ZFPM2: variants seen among roughly 807,000 people sequenced by gnomAD.
ZFPM2 encodes the protein zinc finger protein ZFPM2.
A neutral mutation model predicts 98.6 loss-of-function variants in ZFPM2; 20 were observed. The observed-to-expected ratio is 0.20, with a 90% CI of 0.14 to 0.29. The LOEUF (loss-of-function observed/expected upper bound fraction) is 0.29. Among genes scored for constraint, ZFPM2 ranks in the 10% least tolerant of loss-of-function variants. The pLI is 1.00. For synonymous variants in ZFPM2, 518 were observed against 502.7 expected, an observed-to-expected ratio of 1.03 and a Z score of -0.41; for missense variants, 1,310 against 1,388.6, an observed-to-expected ratio of 0.94 and a Z score of 0.90.
chr8:105,703,632 C>CT (rs1161920147), intron 5 of ZFPM2, among the ~76,000 whole-genome samples: 1 of 152,066 alleles, frequency 6.6e-6, no homozygotes, highest in Non-Finnish European at 1.5e-5. Context: ...TCAGGTGAGG[C>CT]TGGGCCTTCA....
chr8:105,630,766 TA>T (rs1360731363), intron 4 of ZFPM2, among the ~76,000 whole-genome samples: 1 of 152,132 alleles, frequency 6.6e-6, no homozygotes, highest in African/African-American at 2.4e-5. Context: ...TCTGGAGTTG[TA>T]AAAATCAAAA....
intron 2 of ZFPM2, among the ~76,000 whole-genome samples, chr8:105,440,466 A>T (rs1812213162): frequency 6.6e-6 from 1 of 152,186 alleles, no homozygotes; most frequent in Non-Finnish European, 1.5e-5. Context: ...AAATCATAAA[A>T]GTAGCATAAG....
At chr8:105,697,292 A>G (rs1287500275) in intron 5 of ZFPM2, among the ~76,000 whole-genome samples, 2 of 152,214 alleles carry the variant, frequency 1.3e-5, no homozygotes, top group Non-Finnish European at 2.9e-5. Flanking sequence ...ATTACTTCCA[A>G]TGTTTGGTAC....
At chr8:105,723,696 G>T (rs568174382) in intron 5 of ZFPM2, among the ~76,000 whole-genome samples, 1 of 151,912 alleles carries the variant, frequency 6.6e-6, no homozygotes, top group South Asian at 2.1e-4. Flanking sequence ...AGGCTCGGGG[G>T]TTAGCAGCTT....
intron 3 of ZFPM2, among the ~76,000 whole-genome samples, chr8:105,473,254 T>A (rs1181690065): frequency 6.6e-6 from 1 of 151,442 alleles, no homozygotes; most frequent in Non-Finnish European, 1.5e-5. Context: ...CAGGATCTTC[T>A]ATGATCTTTC....
intron 3 of ZFPM2, among the ~76,000 whole-genome samples, chr8:105,534,288 CTCCT>C (rs1386679400): frequency 9.7e-6 from 1 of 102,584 alleles, no homozygotes; most frequent in Non-Finnish European, 1.9e-5. Context: ...CCCTCCCTCC[CTCCT>C]TTCTTCCTTC....
intron 3 of ZFPM2, among the ~76,000 whole-genome samples, chr8:105,494,429 C>G (rs1164062643): frequency 6.6e-6 from 1 of 151,596 alleles, no homozygotes; most frequent in African/African-American, 2.4e-5. Context: ...GTATCTGTCT[C>G]TATCCCTAGG....
At chr8:105,634,112 C>T in intron 4 of ZFPM2, 134 bp from the exon 5 acceptor site, 1 of 630,252 alleles carries the variant, frequency 1.6e-6, no homozygotes, top group Non-Finnish European at 2.7e-6. Context: ...TATCATGAGA[C>T]AGGGGAATAA....
At chr8:105,630,635 A>G (rs1177499222) in intron 4 of ZFPM2, among the ~76,000 whole-genome samples, 1 of 152,164 alleles carries the variant, frequency 6.6e-6, no homozygotes, top group Admixed American at 6.5e-5. Context: ...AAAATATATA[A>G]TGCCTAACTT....
chr8:105,799,655 C>T (rs930287742), intron 7 of ZFPM2, among the ~76,000 whole-genome samples: 3 of 152,146 alleles, frequency 2.0e-5, no homozygotes, highest in Middle Eastern at 6.4e-3. Context: ...TTCTAATTAT[C>T]ATATTTTTTA....
chr8:105,601,566 A>G (rs935334930), intron 4 of ZFPM2, among the ~76,000 whole-genome samples: 1 of 152,104 alleles, frequency 6.6e-6, no homozygotes, highest in Non-Finnish European at 1.5e-5. Context: ...AATTCTTCTA[A>G]AAGTAGAGAT....
At chr8:105,569,082 C>G (rs1217229544) in intron 4 of ZFPM2, among the ~76,000 whole-genome samples, 1 of 152,088 alleles carries the variant, frequency 6.6e-6, no homozygotes, top group Non-Finnish European at 1.5e-5. Context: ...AGCCTCCTGT[C>G]TGGAATAGAT....
chr8:105,346,101 C>T (rs768435251), intron 1 of ZFPM2, among the ~76,000 whole-genome samples: 21 of 152,076 alleles, frequency 1.4e-4, no homozygotes, highest in Non-Finnish European at 2.6e-4. Context: ...AGATTTAGTT[C>T]TTGGGCCGGC....
intron 5 of ZFPM2, among the ~76,000 whole-genome samples, chr8:105,762,224 A>G (rs1812748222): frequency 6.6e-6 from 1 of 151,976 alleles, no homozygotes; most frequent in Non-Finnish European, 1.5e-5. Context: ...ACTCAAGAAT[A>G]TATGTACTGA....
At chr8:105,440,492 G>A (rs1812213653) in intron 2 of ZFPM2, among the ~76,000 whole-genome samples, 2 of 152,066 alleles carry the variant, frequency 1.3e-5, no homozygotes, top group Non-Finnish European at 2.9e-5. Flanking sequence ...GGGAAGAAAT[G>A]GGGTGTATCA....
chr8:105,608,827 C>A (rs1160325659), intron 4 of ZFPM2, among the ~76,000 whole-genome samples: 1 of 151,752 alleles, frequency 6.6e-6, no homozygotes, highest in Non-Finnish European at 1.5e-5. Context: ...TGTTTCTTTG[C>A]AAAATTCAGC....
intron 5 of ZFPM2, among the ~76,000 whole-genome samples, chr8:105,772,172 C>T (rs1172502241): frequency 6.6e-6 from 1 of 152,008 alleles, no homozygotes; most frequent in Non-Finnish European, 1.5e-5. Context: ...GGACTGTGGC[C>T]CAGAACTTCC....
chr8:105,319,022 C>T, intron 1 of ZFPM2, 41 bp downstream of exon 1: 2 of 1,480,890 alleles, frequency 1.4e-6, no homozygotes, highest in Middle Eastern at 1.9e-4. Flanking sequence ...GGGATTATTG[C>T]CCAGGAGCGG....
At chr8:105,358,269 T>C (rs978282995) in intron 1 of ZFPM2, among the ~76,000 whole-genome samples, 4 of 151,932 alleles carry the variant, frequency 2.6e-5, no homozygotes, top group African/African-American at 7.3e-5. Flanking sequence ...TTTTTTTTTT[T>C]CTGAGGTGGA....
Sources: allele counts gnomAD v4.1 joint callset (sites outside exome capture counted in the v4.1 genomes callset), GRCh38; gene constraint gnomAD v4.1.1; transcripts MANE v1.5; gene names NCBI Gene and HGNC (gene_info 2026-07-23, HGNC 2026-07-21).